Variants in FBXO9 observed in about 807,000 individuals in gnomAD.
FBXO9 encodes the protein F-box only protein 9.
FBXO9 carries 43 observed loss-of-function variants against 63.7 expected under a neutral mutation model. The observed-to-expected ratio is 0.67, with a 90% CI of 0.53 to 0.87. The LOEUF is 0.87. Among genes scored for constraint, FBXO9 ranks in the 40% least tolerant of loss-of-function variants. The pLI is 0.00. For missense variants in FBXO9, 442 were observed against 533.2 expected (o/e 0.83, Z 1.68); for synonymous variants, 156 against 171.7 (o/e 0.91, Z 0.72).
intron 7 of FBXO9, among the ~76,000 whole-genome samples, chr6:53,085,948 G>T (rs1321291787): frequency 2.0e-5 from 3 of 152,048 alleles, no homozygotes; most frequent in African/African-American, 7.2e-5. Context: ...CCAGGAGTTC[G>T]AGAGCAGCCT....
chr6:53,081,856 G>T (rs1769325379), intron 6 of FBXO9, among the ~76,000 whole-genome samples: 1 of 152,130 alleles, frequency 6.6e-6, no homozygotes, highest in Admixed American at 6.5e-5. Context: ...ATCACTTGAG[G>T]CCAGGAGTTC....
intron 4 of FBXO9, among the ~76,000 whole-genome samples, chr6:53,078,230 G>A (rs753959654): frequency 3.2e-4 from 49 of 152,132 alleles, no homozygotes; most frequent in Non-Finnish European, 5.7e-4. Flanking sequence ...GAGGCGGGAG[G>A]ATCGCTTGAA....
intron 7 of FBXO9, among the ~76,000 whole-genome samples, 192 bp downstream of exon 7, chr6:53,082,810 AG>A (rs1769358004): frequency 6.6e-6 from 1 of 152,228 alleles, no homozygotes; most frequent in African/African-American, 2.4e-5. Context: ...CTAGGTTTCT[AG>A]GGTATAGAAT....
intron 7 of FBXO9, among the ~76,000 whole-genome samples, chr6:53,083,305 C>CT (rs989063780): frequency 1.3e-5 from 2 of 152,124 alleles, no homozygotes; most frequent in Non-Finnish European, 2.9e-5. Context: ...CTTGAAGACT[C>CT]TTTTTCACAA....
chr6:53,073,959 C>A, intron 3 of FBXO9, among the ~76,000 whole-genome samples: 1 of 151,520 alleles, frequency 6.6e-6, no homozygotes, highest in Non-Finnish European at 1.5e-5. Context: ...ATTAACAGAA[C>A]CAAAAAGAAA....
intron 1 of FBXO9, chr6:53,070,801 C>G: frequency 2.4e-6 from 1 of 408,202 alleles, no homozygotes. Flanking sequence ...TTAAATTTGG[C>G]GGGGGGGAAA....
rs1768906330 is a variant in FBXO9, at chr6:53,071,277, G to A, written c.90+134G>A. The A allele has an allele frequency of 3.7e-6, 3 of 813,996 alleles. No individual in the cohort carries two copies. The South Asian group carries it at 6.0e-5, about 16-fold the overall frequency. 50.4% of individuals were successfully genotyped at this position (813,996 alleles called of 1,614,324 possible). On this transcript the variant is annotated intron_variant, in intron 2 of 12. Transcript: ENST00000323557. Reference sequence around the variant, plus strand: ...TTAACTGTTTCCATACTGGTTTATAGAATACTTAAAACTATGTTATGGCTT... The same window carrying A: ...TTAACTGTTTCCATACTGGTTTATAAAATACTTAAAACTATGTTATGGCTT...
At position 53,080,370 on chromosome 6, in the gene FBXO9, C is replaced by T. The variant is rs1012727534; in HGVS notation, c.408-598C>T. The stretch of plus-strand genomic sequence containing the variant: ...CTTCCTGGTTTTCTAACTTCGCCTT[C>T]ATCCAATCCTCTTTGTAAGTCTGAT... On this transcript the variant is annotated intron_variant, in intron 5 of 12. Transcript: ENST00000323557. Among the ~76,000 whole-genome samples the T allele has an allele frequency of 9.9e-5, 15 of 151,770 alleles. No homozygotes were observed. In the East Asian group the frequency reaches 2.5e-3, roughly 25 times the overall value.
chr6:53,084,456 A>G (rs1769409973), intron 7 of FBXO9, among the ~76,000 whole-genome samples: 1 of 152,228 alleles, frequency 6.6e-6, no homozygotes, highest in Admixed American at 6.5e-5. Flanking sequence ...TATCCTGTCA[A>G]GTGAAAAAAG....
chr6:53,096,359 G>C (rs148566363), intron 12 of FBXO9, among the ~76,000 whole-genome samples: 155 of 152,272 alleles, frequency 1.0e-3, no homozygotes, highest in African/African-American at 3.4e-3. Context: ...ATGACTGAAG[G>C]CTCTTCGTTC....
chr6:53,070,017 CTTTTTTTTTTTT>C lies in FBXO9; in HGVS notation c.4-1028_4-1017del, dbSNP rs1032693222. On this transcript the variant is annotated intron_variant, in intron 1 of 12. Transcript: ENST00000323557. ...AATAATATTTTTCTTTTCTTTTTTC[CTTTTTTTTTTTT>C]TTTTTTTTTTTATGATGGGGTCTCT... Among the ~76,000 whole-genome samples the C allele has an allele frequency of 3.3e-3, 365 of 109,366 alleles. 2 individuals carry two copies. Among genetic ancestry groups the C allele is most frequent in the African/African-American group, 8.8e-3 (256 of 29,148 alleles). The allele number at this position is 109,366 out of a possible 152,430, so 71.7% of individuals were successfully genotyped here.
intron 1 of FBXO9, among the ~76,000 whole-genome samples, chr6:53,067,424 T>C (rs1368878586): frequency 2.0e-5 from 3 of 152,182 alleles, no homozygotes; most frequent in African/African-American, 4.8e-5. Flanking sequence ...ACAAGTGTTA[T>C]GGGAACACAA....
Position 53,066,118 on chromosome 6 carries a change from G to C in FBXO9, c.3+326G>C, listed in dbSNP as rs1768689919. 5.2e-6 allele frequency: 6 copies of C among 1,149,352 alleles called. No individual in the cohort carries two copies. The South Asian group carries it at 2.6e-4, about 50-fold the overall frequency. The allele number at this position is 1,149,352 out of a possible 1,614,324, so 71.2% of individuals were successfully genotyped here. A position where few individuals can be genotyped will look rare whatever the true frequency, so the allele number is the denominator to read the frequency against. On this transcript the variant is annotated intron_variant, in intron 1 of 12. Coordinates refer to ENST00000323557, the MANE Select transcript of FBXO9 (RefSeq NM_033480.3). ...TTGAACCAGTCTCGGTCCTCTCAAG[G>C]GATTTTATCAGAAGCATTGAGCATA... is the stretch of plus-strand genomic sequence containing the variant.
chr6:53,095,396 G>A (rs755744707), intron 11 of FBXO9, 117 bp from the exon 12 acceptor site: 1 of 918,790 alleles, frequency 1.1e-6, no homozygotes, highest in South Asian at 2.3e-5. Flanking sequence ...TAGTCAAAAC[G>A]ACTCTTTACT....
intron 4 of FBXO9, among the ~76,000 whole-genome samples, chr6:53,078,346 T>G (rs1324550886): frequency 6.6e-6 from 1 of 152,184 alleles, no homozygotes. Flanking sequence ...TAGCCCCAGC[T>G]ACTCAGGAGA....
At position 53,092,535 on chromosome 6, in the gene FBXO9, G is replaced by T; in HGVS notation, c.760G>T (p.Val254Phe). Reference protein sequence around the residue: ...WREMFLERPRVRFDGVYISKT... With the variant: ...WREMFLERPRFRFDGVYISKT... Reference sequence around the variant, plus strand: ...AGAGATGTTTTTAGAACGGCCTCGTGTTCGGTTTGATGGTAAGTTGGATTC... The same window carrying T: ...AGAGATGTTTTTAGAACGGCCTCGTTTTCGGTTTGATGGTAAGTTGGATTC... Residue 254 changes from valine (V) to phenylalanine (F), a missense_variant, in exon 8 of 13, where the codon GTT (valine) becomes TTT (phenylalanine). Val to Phe is a conservative substitution (Grantham distance 50, BLOSUM62 -1). Transcript: ENST00000323557. The T allele has an allele frequency of 6.2e-7, 1 of 1,613,372 alleles. No homozygotes were observed. The highest frequency in any genetic ancestry group is 8.5e-7 in the Non-Finnish European group (1 of 1,179,384).
At chr6:53,096,181 A>G (rs1227219182) in intron 12 of FBXO9, among the ~76,000 whole-genome samples, 1 of 152,238 alleles carries the variant, frequency 6.6e-6, no homozygotes, top group Non-Finnish European at 1.5e-5. Flanking sequence ...TCTTTGTTCT[A>G]TGCAGTAGCA....
In FBXO9 at chr6:53,071,119, A is replaced by G; in HGVS notation, c.66A>G (p.Glu22=). Residue 22 remains glutamate, a synonymous_variant, in exon 2 of 13, where the codon GAA becomes GAG. Coordinates refer to ENST00000323557, the MANE Select transcript of FBXO9 (RefSeq NM_033480.3). ...GAGCAGATGATGATGAAGAAAATGA[A>G]AGTCCTGCTGAAACAGATCTGCAGG... ...TVRADDDEEN[E]SPAETDLQAQ... is the part of the protein sequence containing the mutation. 6.4e-7 allele frequency: 1 copy of G among 1,566,490 alleles called. No homozygotes were observed. Among genetic ancestry groups the G allele is most frequent in the Non-Finnish European group, 8.7e-7 (1 of 1,153,708 alleles).
chr6:53,071,141 C>T lies in FBXO9; in HGVS notation c.88C>T (p.Gln30Ter). The change falls in exon 2 of 13, where the codon CAG becomes TAG. Residue 30 changes from glutamine to a stop codon, truncating the protein, a stop_gained and splice_region_variant. Transcript: ENST00000323557. LOFTEE classifies it high-confidence loss of function. ...ENESPAETDLQAQLQMFRAQW... is the reference protein window; with the variant it reads ...ENESPAETDL ...TGAAAGTCCTGCTGAAACAGATCTG[C>T]AGGCATGTTTCTTCAATTGTGTCTT... 2 of 1,555,290 alleles carry T rather than the reference C, an allele frequency of 1.3e-6. No individual in the cohort carries two copies. Among genetic ancestry groups the T allele is most frequent in the Non-Finnish European group, 1.7e-6 (2 of 1,147,812 alleles).
Sources: gnomAD v4.1 joint callset for allele counts (sites outside exome capture counted in the v4.1 genomes callset) on GRCh38, gnomAD v4.1.1 for gene constraint, MANE v1.5 for transcripts, NCBI Gene and HGNC (gene_info 2026-07-23, HGNC 2026-07-21) for gene names.